The following SH3PXD2B variants were observed in gnomAD, a reference collection of about 807,000 sequenced individuals.
SH3PXD2B encodes the protein SH3 and PX domain-containing protein 2B.
A neutral mutation model predicts 73.1 loss-of-function variants in SH3PXD2B; 37 were observed. The ratio of observed to expected loss-of-function variants is 0.51; its 90% confidence interval spans 0.39 to 0.67. The LOEUF (loss-of-function observed/expected upper bound fraction) is 0.67, where lower values mean the gene tolerates loss of function less well. Among genes scored for constraint, SH3PXD2B ranks in the 30% least tolerant of loss-of-function variants. The probability of loss-of-function intolerance (pLI) is 0.00; values close to 1 mark genes in which losing one functional copy is unlikely to be tolerated. For missense variants in SH3PXD2B, 1,053 were observed against 1,197.8 expected, an observed-to-expected ratio of 0.88 and a Z score of 1.78; for synonymous variants, 457 against 480.5, an observed-to-expected ratio of 0.95 and a Z score of 0.64.
At chr5:172,429,147 T>TG (rs1759170989) in intron 1 of SH3PXD2B, among the ~76,000 whole-genome samples, 1 of 152,096 alleles carries the variant, frequency 6.6e-6, no homozygotes, top group Admixed American at 6.5e-5. Flanking sequence ...CGTGAATAAA[T>TG]GGGGAAGAAA....
intron 12 of SH3PXD2B, among the ~76,000 whole-genome samples, chr5:172,341,668 T>C (rs1032434659): frequency 5.3e-5 from 8 of 152,202 alleles, no homozygotes; most frequent in African/African-American, 1.9e-4. Flanking sequence ...TTTATTTTTT[T>C]GAGACAGAGT....
Position 172,350,384 on chromosome 5 carries a change from G to A in SH3PXD2B, c.991C>T (p.Pro331Ser), listed in dbSNP as rs1263900511. The A allele has an allele frequency of 2.5e-6, 4 of 1,613,730 alleles. No individual in the cohort carries two copies. Among genetic ancestry groups the A allele is most frequent in the Non-Finnish European group, 3.4e-6 (4 of 1,180,000 alleles). ...TCACTCTGCTTGGCGTCACCGTCGGGCACCGGGCGGCCTTCAAACCGCCCG... is the reference window on the plus strand; with the variant it reads ...TCACTCTGCTTGGCGTCACCGTCGGACACCGGGCGGCCTTCAAACCGCCCG... The part of the protein sequence containing the change: ...RDGRFEGRPV[P>S]DGDAKQRSPK... The change falls in exon 10 of 13, where the codon CCC (proline) becomes TCC (serine). Residue 331 changes from proline (P) to serine (S), a missense_variant. By Grantham distance (74) the Pro-to-Ser change is moderately conservative. Around this residue, in one of 2 missense-constraint regions of SH3PXD2B, gnomAD observed 466 missense variants for 607.1 expected, o/e 0.77. Transcript: ENST00000311601.
At position 172,445,116 on chromosome 5, in the gene SH3PXD2B, A is replaced by G. The variant is rs989929505; in HGVS notation, c.75+9162T>C. On this transcript the variant is annotated intron_variant, in intron 1 of 12. Coordinates refer to ENST00000311601, the MANE Select transcript of SH3PXD2B (RefSeq NM_001017995.3). This position sits in a 1 kb window ranked among gnomAD's most constrained non-coding sequence, Gnocchi z 5.2. ...CCTCCCATGCTTTGTGACTGGCCTC[A>G]GGTCACCTCTGCAGTGCTGCCTTCC... 4.6e-5 allele frequency among the ~76,000 whole-genome samples: 7 copies of G among 152,172 alleles called. No homozygotes were observed. The highest frequency in any genetic ancestry group is 1.5e-5 in the Non-Finnish European group (1 of 68,034).
intron 8 of SH3PXD2B, among the ~76,000 whole-genome samples, chr5:172,358,460 C>T (rs371149289): frequency 1.1e-3 from 161 of 152,252 alleles, no homozygotes; most frequent in African/African-American, 3.7e-3. Context: ...CAGAATAATT[C>T]GAGGGAGGAA....
At chr5:172,392,970 T>C (rs1482219060) in intron 4 of SH3PXD2B, among the ~76,000 whole-genome samples, 1 of 152,228 alleles carries the variant, frequency 6.6e-6, no homozygotes, top group Non-Finnish European at 1.5e-5. Flanking sequence ...TTACTGCACC[T>C]TGTAGGCAGT....
chr5:172,432,925 AGG>A (rs201533837), intron 1 of SH3PXD2B, among the ~76,000 whole-genome samples: 4,326 of 78,582 alleles, frequency 0.055, 174 homozygotes, highest in African/African-American at 0.14. Context: ...CAAAAAAAAA[AGG>A]GGGGGGGGGG....
At position 172,389,529 on chromosome 5, in the gene SH3PXD2B, GA is replaced by G. The variant is rs200532830; in HGVS notation, c.309+5033del. Among the ~76,000 whole-genome samples, 169 of 135,674 alleles carry G rather than the reference GA, an allele frequency of 1.2e-3. 2 individuals are homozygous for G. In the East Asian group the frequency reaches 0.038, roughly 30 times the overall value. 89.0% of individuals were successfully genotyped at this position (135,674 alleles called of 152,430 possible). ...AAAACTTACTCCTGCCTAGGAATTC[GA>G]GACCAGCCTGGACAACATGGTGAAA... On this transcript the variant is annotated intron_variant, in intron 4 of 12. Coordinates refer to ENST00000311601, the MANE Select transcript of SH3PXD2B (RefSeq NM_001017995.3).
chr5:172,393,994 G>C (rs1337125415), intron 4 of SH3PXD2B, among the ~76,000 whole-genome samples: 2 of 152,070 alleles, frequency 1.3e-5, no homozygotes, highest in East Asian at 3.9e-4. Context: ...GCCCAGGTGG[G>C]AGTGTATTGT....
chr5:172,454,400 G>C lies in SH3PXD2B; in HGVS notation c.-48C>G. 7.9e-7 allele frequency: 1 copy of C among 1,267,330 alleles called. No individual in the cohort carries two copies. The highest frequency in any genetic ancestry group is 1.0e-6 in the Non-Finnish European group (1 of 996,350). The allele number at this position is 1,267,330 out of a possible 1,614,324, so 78.5% of individuals were successfully genotyped here. ...GGCCGAGCGCGGGTGCGGGTGGCGC[G>C]GGGTGCAGGGAGCGCTGGGGGCGCG... On this transcript the variant is annotated 5_prime_UTR_variant, in exon 1 of 13. Coordinates refer to ENST00000311601, the MANE Select transcript of SH3PXD2B (RefSeq NM_001017995.3).
At chr5:172,332,532 G>A (rs183412801), downstream of SH3PXD2B, among the ~76,000 whole-genome samples, 12 of 151,958 alleles carry the variant, frequency 7.9e-5, no homozygotes, top group East Asian at 2.1e-3. Context: ...CCAAAGTGCT[G>A]GGATTACGGG....
At chr5:172,340,815 G>A (rs1336883981) in intron 12 of SH3PXD2B, among the ~76,000 whole-genome samples, 1 of 152,120 alleles carries the variant, frequency 6.6e-6, no homozygotes, top group South Asian at 2.1e-4. Context: ...GGCTGATCTC[G>A]AACTCCTGGT....
chr5:172,452,310 C>A (rs1421960900), intron 1 of SH3PXD2B, among the ~76,000 whole-genome samples: 1 of 152,190 alleles, frequency 6.6e-6, no homozygotes, highest in Non-Finnish European at 1.5e-5. Context: ...AGACGGTTCT[C>A]AAAGCGCAAA....
intron 10 of SH3PXD2B, among the ~76,000 whole-genome samples, chr5:172,347,536 T>C (rs1218447067): frequency 1.3e-5 from 2 of 151,982 alleles, no homozygotes; most frequent in African/African-American, 4.8e-5. Context: ...CGACGTAGCT[T>C]TTCTTGCATC....
intron 5 of SH3PXD2B, among the ~76,000 whole-genome samples, chr5:172,380,562 G>A (rs1757920674): frequency 6.6e-6 from 1 of 152,156 alleles, no homozygotes; most frequent in East Asian, 1.9e-4. Flanking sequence ...CACAAATTGG[G>A]AAATGCTTAC....
rs1038690587 is a variant in SH3PXD2B, at chr5:172,333,619, C to T, written c.*4750G>A. The T allele has an allele frequency of 3.1e-6, 4 of 1,286,808 alleles. No homozygotes were observed. The highest frequency in any genetic ancestry group is 3.0e-5 in the African/African-American group (2 of 65,664). 79.7% of individuals were successfully genotyped at this position (1,286,808 alleles called of 1,614,324 possible). On this transcript the variant is annotated 3_prime_UTR_variant, in exon 13 of 13. Transcript: ENST00000311601. The stretch of plus-strand genomic sequence containing the variant: ...TACAGCTAGTTGTTCTCACCCCTCC[C>T]CTCACATCCTATATACTCATTTATT...
chr5:172,342,486 C>T (rs953920525), intron 12 of SH3PXD2B, among the ~76,000 whole-genome samples: 3 of 152,116 alleles, frequency 2.0e-5, no homozygotes, highest in East Asian at 1.9e-4. Context: ...CCTGGCCGGG[C>T]GCGGTGGCTC....
At chr5:172,330,024 T>C (rs1756527054), downstream of SH3PXD2B, among the ~76,000 whole-genome samples, 1 of 152,232 alleles carries the variant, frequency 6.6e-6, no homozygotes, top group Non-Finnish European at 1.5e-5. Context: ...GTGTTTCCCT[T>C]ATCCAAAATG....
Position 172,334,841 on chromosome 5 carries a change from C to A in SH3PXD2B, c.*3528G>T, listed in dbSNP as rs954571757. The A allele has an allele frequency of 1.3e-5, 13 of 985,346 alleles. No individual in the cohort carries two copies. The highest frequency in any genetic ancestry group is 1.4e-5 in the Non-Finnish European group (12 of 829,958). The allele number at this position is 985,346 out of a possible 1,614,324, so 61.0% of individuals were successfully genotyped here. On this transcript the variant is annotated 3_prime_UTR_variant, in exon 13 of 13. Coordinates refer to ENST00000311601, the MANE Select transcript of SH3PXD2B (RefSeq NM_001017995.3). Reference sequence around the variant, plus strand: ...TGCTCTTTAACGTGGCATATGTTCCCCCATCTTCCACCTGGTAATGAAATC... The same window carrying A: ...TGCTCTTTAACGTGGCATATGTTCCACCATCTTCCACCTGGTAATGAAATC...
downstream of SH3PXD2B, among the ~76,000 whole-genome samples, chr5:172,330,993 A>G (rs1386894073): frequency 6.6e-6 from 1 of 152,102 alleles, no homozygotes; most frequent in Non-Finnish European, 1.5e-5. Context: ...ACCAGAGTTC[A>G]TGACCAGCCT....
Sources: allele counts gnomAD v4.1 joint callset (sites outside exome capture counted in the v4.1 genomes callset), GRCh38; gene constraint gnomAD v4.1.1; regional missense constraint gnomAD v4.1.1; non-coding constraint Gnocchi (gnomAD v3.1); transcripts MANE v1.5; gene names NCBI Gene and HGNC (gene_info 2026-07-23, HGNC 2026-07-21).